The following SNTG1 variants were observed in gnomAD, a reference collection of about 807,000 sequenced individuals.
SNTG1 encodes gamma-1-syntrophin.
In SNTG1, 39 loss-of-function variants were observed where a neutral mutation model predicts 74.7. The ratio of observed to expected loss-of-function variants is 0.52; its 90% CI spans 0.40 to 0.68. SNTG1 has a LOEUF of 0.68. Among genes scored for constraint, SNTG1 ranks in the 30% least tolerant of loss-of-function variants. SNTG1 has a pLI of 0.00. For missense variants in SNTG1, 685 were observed against 609.5 expected, an observed-to-expected ratio of 1.12 and a Z score of -1.30; for synonymous variants, 254 against 217.1, an observed-to-expected ratio of 1.17 and a Z score of -1.49.
At chr8:50,450,080 T>C (rs1039962766) in intron 6 of SNTG1, among the ~76,000 whole-genome samples, 8 of 152,226 alleles carry the variant, frequency 5.3e-5, no homozygotes, top group Non-Finnish European at 1.0e-4. Flanking sequence ...TCAGTTCTCA[T>C]TTGCAATTTT....
intron 15 of SNTG1, among the ~76,000 whole-genome samples, chr8:50,704,398 A>G (rs560675154): frequency 5.9e-5 from 9 of 152,332 alleles, no homozygotes; most frequent in Non-Finnish European, 1.3e-4. Context: ...TTTTATGGAC[A>G]TGCTTCAGTG....
In SNTG1 at chr8:50,032,563, G is replaced by A. The variant is rs185034808; in HGVS notation, c.-103+120332G>A. The stretch of plus-strand genomic sequence containing the variant: ...CTTTTGTTTTTGTTTGTCTGCACCC[G>A]TAGGCATTTCCAAGTCACTGACTTC... On this transcript the variant is annotated intron_variant, in intron 1 of 18. Coordinates refer to ENST00000642720, the MANE Select transcript of SNTG1 (RefSeq NM_018967.5). 5.3e-5 allele frequency among the ~76,000 whole-genome samples: 8 copies of A among 152,146 alleles called. No homozygotes were observed. In the East Asian group the frequency reaches 9.7e-4, roughly 18 times the overall value.
chr8:50,590,018 G>T (rs1395651756), intron 12 of SNTG1, among the ~76,000 whole-genome samples: 1 of 152,058 alleles, frequency 6.6e-6, no homozygotes, highest in Non-Finnish European at 1.5e-5. Flanking sequence ...TGTGACTTTT[G>T]TTGATTTTCC....
intron 11 of SNTG1, among the ~76,000 whole-genome samples, chr8:50,545,628 T>A (rs1317753619): frequency 1.3e-5 from 2 of 151,952 alleles, no homozygotes; most frequent in Non-Finnish European, 2.9e-5. Flanking sequence ...TCTTAGTTTT[T>A]TCTTTAGGTA....
intron 2 of SNTG1, among the ~76,000 whole-genome samples, chr8:50,246,729 T>C (rs2086417496): frequency 6.6e-6 from 1 of 152,142 alleles, no homozygotes. Context: ...CAAATCACTC[T>C]CATGGTAGGA....
rs2093575743 is a variant in SNTG1, at chr8:50,462,791, C to T, written c.363+12062C>T. On this transcript the variant is annotated intron_variant, in intron 8 of 18. Coordinates refer to ENST00000642720, the MANE Select transcript of SNTG1 (RefSeq NM_018967.5). ...AGCAACTCAGTCGCATCTTCAGGTT[C>T]TACTCTTTTTTTTTTTTTTTTTTTT... 6.0e-5 allele frequency among the ~76,000 whole-genome samples: 5 copies of T among 83,920 alleles called. 1 individual carries two copies. Among genetic ancestry groups the T allele is most frequent in the Admixed American group, 1.7e-4 (1 of 5,866 alleles). 55.1% of individuals were successfully genotyped at this position (83,920 alleles called of 152,430 possible).
intron 18 of SNTG1, among the ~76,000 whole-genome samples, chr8:50,784,563 A>G (rs1430638085): frequency 6.6e-6 from 1 of 152,158 alleles, no homozygotes; most frequent in Non-Finnish European, 1.5e-5. Flanking sequence ...AATCGAAGAG[A>G]AAATGGAAGG....
chr8:50,376,873 G>C (rs2092398007), intron 2 of SNTG1, among the ~76,000 whole-genome samples: 1 of 151,084 alleles, frequency 6.6e-6, no homozygotes, highest in Non-Finnish European at 1.5e-5. Flanking sequence ...TACACACTTT[G>C]ATCAGTTGTC....
chr8:50,729,945 G>T (rs760168489), intron 17 of SNTG1, among the ~76,000 whole-genome samples: 2 of 152,118 alleles, frequency 1.3e-5, no homozygotes, highest in Non-Finnish European at 2.9e-5. Flanking sequence ...CAGGTACCCC[G>T]AGCAGCTGGG....
intron 1 of SNTG1, among the ~76,000 whole-genome samples, chr8:49,959,255 G>C (rs1241518016): frequency 6.6e-6 from 1 of 152,182 alleles, no homozygotes; most frequent in Non-Finnish European, 1.5e-5. Flanking sequence ...GAGCATGCTG[G>C]TGAAAAGCAA....
Position 50,795,302 on chromosome 8 carries a change from G to T in SNTG1, c.*2473G>T, listed in dbSNP as rs1183463875. The T allele has an allele frequency of 1.3e-5, 2 of 151,936 alleles. No homozygotes were observed. Among genetic ancestry groups the T allele is most frequent in the African/African-American group, 4.8e-5 (2 of 41,402 alleles). 9.4% of individuals were successfully genotyped at this position (151,936 alleles called of 1,614,324 possible). ...CAAAATACTATTCTCGTTTTCATCA[G>T]TTTAACAATTAGTATTTAATGTTTT... On this transcript the variant is annotated 3_prime_UTR_variant, in exon 19 of 19. Transcript: ENST00000642720.
intron 17 of SNTG1, among the ~76,000 whole-genome samples, chr8:50,730,996 C>T (rs1487922931): frequency 6.6e-6 from 1 of 152,154 alleles, no homozygotes. Flanking sequence ...ATTATTACTT[C>T]TAATTTACAG....
chr8:49,998,157 G>T (rs1244099607), intron 1 of SNTG1, among the ~76,000 whole-genome samples: 1 of 152,036 alleles, frequency 6.6e-6, no homozygotes, highest in Non-Finnish European at 1.5e-5. Flanking sequence ...ACATAACATA[G>T]GTAAAGTACA....
At chr8:50,244,289 G>A (rs768197529) in intron 2 of SNTG1, among the ~76,000 whole-genome samples, 14 of 152,198 alleles carry the variant, frequency 9.2e-5, no homozygotes, top group Non-Finnish European at 1.8e-4. Context: ...TGCCAACAAT[G>A]GGGATTACAA....
intron 18 of SNTG1, among the ~76,000 whole-genome samples, chr8:50,771,142 A>C (rs1185125101): frequency 6.6e-6 from 1 of 152,028 alleles, no homozygotes; most frequent in Non-Finnish European, 1.5e-5. Flanking sequence ...TGGCTGGAAA[A>C]ATTTGGAGGA....
intron 1 of SNTG1, among the ~76,000 whole-genome samples, chr8:50,061,269 T>C (rs920948045): frequency 2.0e-5 from 3 of 152,024 alleles, no homozygotes; most frequent in African/African-American, 7.2e-5. Flanking sequence ...TTTGATTGAG[T>C]TTTTACAGTT....
intron 2 of SNTG1, among the ~76,000 whole-genome samples, chr8:50,179,108 G>A (rs1051956421): frequency 2.0e-5 from 3 of 152,072 alleles, no homozygotes; most frequent in Admixed American, 6.6e-5. Context: ...CCCAAAATTA[G>A]TTGACCATGT....
chr8:50,632,015 T>C (rs894128932), intron 13 of SNTG1, among the ~76,000 whole-genome samples: 3 of 152,184 alleles, frequency 2.0e-5, no homozygotes. Flanking sequence ...CGATTTGTCA[T>C]TAGGAAATAC....
At chr8:50,674,746 A>T (rs949148435) in intron 15 of SNTG1, among the ~76,000 whole-genome samples, 3 of 151,776 alleles carry the variant, frequency 2.0e-5, no homozygotes, top group Non-Finnish European at 2.9e-5. Context: ...AGCTCTTTTA[A>T]TTGTGATGTT....
Sources: allele counts gnomAD v4.1 joint callset (sites outside exome capture counted in the v4.1 genomes callset), GRCh38; gene constraint gnomAD v4.1.1; transcripts MANE v1.5; gene names NCBI Gene and HGNC (gene_info 2026-07-23, HGNC 2026-07-21).